The following NALF1 variants were observed in gnomAD, a reference collection of about 807,000 sequenced individuals.
NALF1 encodes the protein family with sequence similarity 155 member A.
Under a neutral mutation model 48.4 loss-of-function variants are expected in NALF1, and 3 were observed. The observed-to-expected ratio is 0.06, with a 90% CI of 0.03 to 0.16. The LOEUF (loss-of-function observed/expected upper bound fraction) is 0.16. NALF1 is among the 10% of genes least tolerant of loss of function. The probability of loss-of-function intolerance (pLI) is 1.00; values close to 1 mark genes in which losing one functional copy is unlikely to be tolerated. For synonymous variants in NALF1, 262 were observed against 245.7 expected (o/e 1.07, Z -0.62); for missense variants, 526 against 571.5 (o/e 0.92, Z 0.81).
intron 1 of NALF1, among the ~76,000 whole-genome samples, chr13:107,264,266 A>C (rs180929373): frequency 1.8e-4 from 28 of 152,344 alleles, no homozygotes; most frequent in Non-Finnish European, 3.5e-4. Flanking sequence ...ATTAATTAAC[A>C]AAACTGGTTT....
chr13:107,396,644 T>C (rs181753382), intron 1 of NALF1, among the ~76,000 whole-genome samples: 1 of 152,202 alleles, frequency 6.6e-6, no homozygotes, highest in South Asian at 2.1e-4. Context: ...CAAGTACTCA[T>C]GGAAAATATT....
chr13:107,193,982 T>C (rs927577253), intron 2 of NALF1, among the ~76,000 whole-genome samples: 3 of 151,982 alleles, frequency 2.0e-5, no homozygotes, highest in African/African-American at 7.3e-5. Context: ...CATCTTTATA[T>C]ATCTCAACTT....
intron 1 of NALF1, among the ~76,000 whole-genome samples, chr13:107,251,279 T>C (rs1031842052): frequency 6.6e-6 from 1 of 152,182 alleles, no homozygotes; most frequent in African/African-American, 2.4e-5. Flanking sequence ...CCCCTCATTA[T>C]TAGATGGAGT....
rs192783137 is a variant in NALF1, at chr13:107,296,212, G to T, written c.916-85457C>A. On this transcript the variant is annotated intron_variant, in intron 1 of 2. Transcript: ENST00000375915. ...GGATTTTCTCTGCCAAACATACATT[G>T]CCAAAAGAGTATTTGTAATACATCC... Among the ~76,000 whole-genome samples, 10 of 152,138 alleles carry T rather than the reference G, an allele frequency of 6.6e-5. No homozygotes were observed. In the East Asian group the frequency reaches 1.7e-3, roughly 26 times the overall value.
At chr13:107,819,987 GCC>G (rs1386402997) in intron 1 of NALF1, among the ~76,000 whole-genome samples, 2 of 152,168 alleles carry the variant, frequency 1.3e-5, no homozygotes, top group East Asian at 3.8e-4. Context: ...GAATCTGGAA[GCC>G]AAATCCTGAA....
intron 1 of NALF1, among the ~76,000 whole-genome samples, chr13:107,706,779 G>C (rs892162591): frequency 2.6e-5 from 4 of 152,136 alleles, no homozygotes; most frequent in African/African-American, 9.7e-5. Flanking sequence ...TAAACATCCT[G>C]CTTTCAAACT....
intron 1 of NALF1, among the ~76,000 whole-genome samples, chr13:107,508,758 C>G (rs1158054233): frequency 1.3e-5 from 2 of 152,010 alleles, no homozygotes; most frequent in Admixed American, 6.6e-5. Flanking sequence ...CCCAATCTCA[C>G]AACTGATGCA....
At chr13:107,734,050 T>C (rs1876391283) in intron 1 of NALF1, among the ~76,000 whole-genome samples, 1 of 152,180 alleles carries the variant, frequency 6.6e-6, no homozygotes, top group Non-Finnish European at 1.5e-5. Context: ...GGTAAGTATT[T>C]GTGTATAGAA....
At chr13:107,310,645 C>T (rs1882026374) in intron 1 of NALF1, among the ~76,000 whole-genome samples, 1 of 151,844 alleles carries the variant, frequency 6.6e-6, no homozygotes, top group African/African-American at 2.4e-5. Context: ...ATATCAACCA[C>T]TTTATCATAA....
At chr13:107,207,336 T>A (rs1351026046) in intron 2 of NALF1, among the ~76,000 whole-genome samples, 1 of 152,244 alleles carries the variant, frequency 6.6e-6, no homozygotes, top group Non-Finnish European at 1.5e-5. Context: ...GGCTCACATT[T>A]ACTTGCAAAC....
chr13:107,635,163 A>T (rs553931553), intron 1 of NALF1, among the ~76,000 whole-genome samples: 20 of 152,216 alleles, frequency 1.3e-4, no homozygotes, highest in Admixed American at 4.6e-4. Flanking sequence ...AAATTCCTTT[A>T]GGTATTGATA....
intron 1 of NALF1, among the ~76,000 whole-genome samples, chr13:107,850,599 A>G (rs1328094724): frequency 1.3e-5 from 2 of 152,186 alleles, no homozygotes; most frequent in Non-Finnish European, 2.9e-5. Context: ...ATGTTTGGAA[A>G]GCGATATTTA....
At chr13:107,748,739 G>A (rs1319426350) in intron 1 of NALF1, among the ~76,000 whole-genome samples, 1 of 152,184 alleles carries the variant, frequency 6.6e-6, no homozygotes, top group East Asian at 1.9e-4. Context: ...TTAGCATATG[G>A]AAATGCATGT....
At chr13:107,596,656 C>T (rs1878759774) in intron 1 of NALF1, among the ~76,000 whole-genome samples, 1 of 151,988 alleles carries the variant, frequency 6.6e-6, no homozygotes, top group Non-Finnish European at 1.5e-5. Flanking sequence ...GAACATCACA[C>T]ACCGGGGCCC....
Position 107,600,390 on chromosome 13 carries a change from C to T in NALF1, c.915+265292G>A, listed in dbSNP as rs9555381. On this transcript the variant is annotated intron_variant, in intron 1 of 2. Coordinates refer to ENST00000375915, the MANE Select transcript of NALF1 (RefSeq NM_001080396.3). ...AAGATTTTCATCCCACAAGGAAAGACGCCAATTGTACAGAAAGTTAATAAA... is the reference window on the plus strand; with the variant it reads ...AAGATTTTCATCCCACAAGGAAAGATGCCAATTGTACAGAAAGTTAATAAA... Among the ~76,000 whole-genome samples, 3,145 of 152,146 alleles carry T rather than the reference C, an allele frequency of 0.021. 217 individuals are homozygous for T. In the East Asian group the frequency reaches 0.26, roughly 13 times the overall value.
At chr13:107,429,502 A>G (rs1317163337) in intron 1 of NALF1, among the ~76,000 whole-genome samples, 1 of 152,168 alleles carries the variant, frequency 6.6e-6, no homozygotes. Flanking sequence ...ATAAAACCAG[A>G]GCATGGTGAC....
At chr13:107,268,934 G>A (rs115926449) in intron 1 of NALF1, among the ~76,000 whole-genome samples, 1 of 152,092 alleles carries the variant, frequency 6.6e-6, no homozygotes, top group Non-Finnish European at 1.5e-5. Flanking sequence ...TTATTTTAAG[G>A]ATGATAGTAA....
chr13:107,250,892 C>T (rs1880686440), intron 1 of NALF1, among the ~76,000 whole-genome samples: 1 of 152,132 alleles, frequency 6.6e-6, no homozygotes, highest in Admixed American at 6.6e-5. Context: ...TCACTCTCTT[C>T]CTCCTGCTCC....
chr13:107,473,524 G>T (rs1317476372), intron 1 of NALF1, among the ~76,000 whole-genome samples: 1 of 152,080 alleles, frequency 6.6e-6, no homozygotes, highest in Non-Finnish European at 1.5e-5. Flanking sequence ...TCAACAAATG[G>T]TGGTTGTTTC....
Sources: gnomAD v4.1 joint callset for allele counts (sites outside exome capture counted in the v4.1 genomes callset) on GRCh38, gnomAD v4.1.1 for gene constraint, MANE v1.5 for transcripts, NCBI Gene and HGNC (gene_info 2026-07-23, HGNC 2026-07-21) for gene names.